The following DPYD variants were observed in gnomAD, a reference collection of about 807,000 sequenced individuals.
DPYD encodes dihydropyrimidine dehydrogenase [NADP(+)].
A neutral mutation model predicts 116.2 loss-of-function variants in DPYD; 109 were observed. That is an observed-to-expected ratio of 0.94 (90% CI 0.80 to 1.10). The LOEUF is 1.10. Among genes scored for constraint, DPYD ranks in the 50% least tolerant of loss-of-function variants. The probability of loss-of-function intolerance (pLI) is 0.00; values close to 1 mark genes in which losing one functional copy is unlikely to be tolerated. For missense variants in DPYD, 1,302 were observed against 1,254.5 expected (o/e 1.04, Z -0.57); for synonymous variants, 440 against 432.0 (o/e 1.02, Z -0.23).
At chr1:97,863,323 G>A (rs1558016179) in intron 2 of DPYD, among the ~76,000 whole-genome samples, 1 of 151,868 alleles carries the variant, frequency 6.6e-6, no homozygotes. Context: ...GGAAACAGCA[G>A]TTACTATTTG....
At chr1:97,549,453 T>C (rs1651148879) in intron 12 of DPYD, 107 bp downstream of exon 12, 1 of 1,181,112 alleles carries the variant, frequency 8.5e-7, no homozygotes, top group African/African-American at 1.5e-5. Context: ...ATTGTATATA[T>C]GCTTATTATA....
intron 20 of DPYD, among the ~76,000 whole-genome samples, chr1:97,147,747 C>G (rs1294565070): frequency 6.6e-6 from 1 of 152,176 alleles, no homozygotes; most frequent in Non-Finnish European, 1.5e-5. Flanking sequence ...CTTAGCCCAT[C>G]AGTCCATCTT....
intron 13 of DPYD, among the ~76,000 whole-genome samples, chr1:97,501,922 A>G (rs1679609277): frequency 6.6e-6 from 1 of 152,056 alleles, no homozygotes; most frequent in Non-Finnish European, 1.5e-5. Context: ...CATGTTTACA[A>G]ATGTATTCCT....
At chr1:97,744,600 A>G (rs900429283) in intron 3 of DPYD, among the ~76,000 whole-genome samples, 4 of 152,076 alleles carry the variant, frequency 2.6e-5, no homozygotes, top group African/African-American at 9.7e-5. Context: ...TAATGGCATT[A>G]AGCAAGAAAG....
intron 16 of DPYD, among the ~76,000 whole-genome samples, chr1:97,361,531 T>A (rs970851777): frequency 1.3e-5 from 2 of 152,174 alleles, no homozygotes; most frequent in African/African-American, 4.8e-5. Flanking sequence ...AAAACCCTGA[T>A]GAATATCGAT....
chr1:97,564,217 A>G (rs1227972537), intron 11 of DPYD, among the ~76,000 whole-genome samples: 1 of 152,206 alleles, frequency 6.6e-6, no homozygotes, highest in Admixed American at 6.5e-5. Flanking sequence ...TTAAAAAGCG[A>G]ACAGGTGGTA....
intron 20 of DPYD, among the ~76,000 whole-genome samples, chr1:97,163,907 TA>T (rs1656115519): frequency 6.6e-6 from 1 of 152,200 alleles, no homozygotes; most frequent in Non-Finnish European, 1.5e-5. Flanking sequence ...GGTATTCACT[TA>T]TTTTTGGTTC....
chr1:97,700,975 G>T (rs1369115887), intron 5 of DPYD, among the ~76,000 whole-genome samples: 1 of 151,156 alleles, frequency 6.6e-6, no homozygotes. Context: ...ATAGGTGGTA[G>T]AGGGTAGGAA....
intron 3 of DPYD, among the ~76,000 whole-genome samples, chr1:97,742,162 T>C (rs1242624675): frequency 1.3e-5 from 2 of 152,108 alleles, no homozygotes; most frequent in Admixed American, 6.6e-5. Flanking sequence ...AGAATTTCAC[T>C]GAGCATGAAT....
intron 8 of DPYD, among the ~76,000 whole-genome samples, chr1:97,634,792 T>C (rs559876624): frequency 6.6e-6 from 1 of 151,914 alleles, no homozygotes; most frequent in East Asian, 1.9e-4. Flanking sequence ...GCATATAGAA[T>C]AGCATCAGAA....
rs1032817086 is a variant in DPYD at position 97,779,314 on chromosome 1, C to CAA, written c.234-38836_234-38835insTT. On this transcript the variant is annotated intron_variant, in intron 3 of 22. Transcript: ENST00000370192. ...ATAATTTTGCAAACACACACACACACATACACACACACACAAAGACTTACA... is the reference window on the plus strand; with the variant it reads ...ATAATTTTGCAAACACACACACACACAAATACACACACACACAAAGACTTACA... Among the ~76,000 whole-genome samples, 16 of 49,786 alleles carry CAA rather than the reference C, an allele frequency of 3.2e-4. No individual in the cohort carries two copies. In the East Asian group the frequency reaches 0.031, roughly 97 times the overall value. The allele number at this position is 49,786 out of a possible 152,430, so 32.7% of individuals were successfully genotyped here.
chr1:97,866,801 T>C (rs914071074), intron 2 of DPYD, among the ~76,000 whole-genome samples: 2 of 151,826 alleles, frequency 1.3e-5, no homozygotes, highest in Admixed American at 6.6e-5. Flanking sequence ...AGTAAGGAAG[T>C]GCAGTATGTA....
intron 13 of DPYD, among the ~76,000 whole-genome samples, chr1:97,461,431 C>G (rs546803760): frequency 2.2e-4 from 34 of 152,212 alleles, no homozygotes; most frequent in African/African-American, 7.5e-4. Context: ...TAATTTCAAA[C>G]TCATATTAAA....
chr1:97,525,785 A>AGAGAGAGAGAGAGAGAGT (rs2102004713), intron 12 of DPYD, among the ~76,000 whole-genome samples: 1 of 147,984 alleles, frequency 6.8e-6, no homozygotes, highest in African/African-American at 2.5e-5. Flanking sequence ...AGAGAGAGAG[A>AGAGAGAGAGAGAGAGAGT]GAGAGTGTGT....
intron 14 of DPYD, among the ~76,000 whole-genome samples, chr1:97,385,414 C>T (rs1366595536): frequency 1.4e-5 from 2 of 144,324 alleles, no homozygotes; most frequent in Non-Finnish European, 3.0e-5. Context: ...AGGGCAGAGA[C>T]AGATACAGAG....
Position 97,515,726 on chromosome 1 carries a change from C to CTT in DPYD, c.1738_1739dup (p.Asp581ArgfsTer4), listed in dbSNP as rs1648172588. The CTT allele has an allele frequency of 6.2e-7, 1 of 1,611,536 alleles. No homozygotes were observed. On this transcript the variant is annotated frameshift_variant and splice_region_variant, in exon 13 of 23. Coordinates refer to ENST00000370192, the MANE Select transcript of DPYD (RefSeq NM_000110.4). LOFTEE classifies it high-confidence loss of function. The stretch of plus-strand genomic sequence containing the variant: ...TATGACTTCAATAATATTTTCTTAC[C>CTT]TTATCAAGAGAGAAAGTTTTGGTGA...
At chr1:97,503,832 G>A (rs1679735301) in intron 13 of DPYD, among the ~76,000 whole-genome samples, 1 of 151,988 alleles carries the variant, frequency 6.6e-6, no homozygotes, top group Admixed American at 6.6e-5. Context: ...TGTATGAAAT[G>A]TAAGGGTTTT....
intron 19 of DPYD, among the ~76,000 whole-genome samples, chr1:97,229,203 C>CAAAAAAA (rs34445661): frequency 1.7e-5 from 1 of 58,580 alleles, no homozygotes; most frequent in Non-Finnish European, 2.9e-5. Context: ...GACTCCTTCT[C>CAAAAAAA]AAAAAAAAAA....
chr1:97,371,171 T>C (rs2101500127), intron 16 of DPYD, among the ~76,000 whole-genome samples: 1 of 152,258 alleles, frequency 6.6e-6, no homozygotes, highest in East Asian at 1.9e-4. Context: ...CATTAAATAT[T>C]TGTGAGAAAA....
Sources: allele counts gnomAD v4.1 joint callset (sites outside exome capture counted in the v4.1 genomes callset), GRCh38; gene constraint gnomAD v4.1.1; transcripts MANE v1.5; gene names NCBI Gene and HGNC (gene_info 2026-07-23, HGNC 2026-07-21).